The following MCM9 variants were observed in gnomAD, a reference collection of about 807,000 sequenced individuals.
MCM9 encodes the protein minichromosome maintenance 9 homologous recombination repair factor.
In MCM9, 55 loss-of-function variants were observed where a neutral mutation model predicts 72.8. The ratio of observed to expected loss-of-function variants is 0.76; its 90% CI spans 0.61 to 0.95. The LOEUF (loss-of-function observed/expected upper bound fraction) is 0.95, where lower values mean the gene tolerates loss of function less well. MCM9 is among the 40% of genes least tolerant of loss of function. The pLI, the probability that MCM9 is intolerant of heterozygous loss-of-function variation, is 0.00. For synonymous variants in MCM9, 480 were observed against 503.4 expected, an observed-to-expected ratio of 0.95 and a Z score of 0.62; for missense variants, 1,279 against 1,377.0, an observed-to-expected ratio of 0.93 and a Z score of 1.13.
At chr6:118,932,070 C>T (rs1429882367) in intron 2 of MCM9, among the ~76,000 whole-genome samples, 2 of 152,160 alleles carry the variant, frequency 1.3e-5, no homozygotes, top group Admixed American at 1.3e-4. Context: ...ACAACATTTC[C>T]GGACTGCACT....
chr6:118,846,901 A>G, intron 9 of MCM9, among the ~76,000 whole-genome samples: 1 of 151,742 alleles, frequency 6.6e-6, no homozygotes, highest in Non-Finnish European at 1.5e-5. Context: ...AAACTACTAC[A>G]AGAATAAAAA....
chr6:118,895,918 TATTC>T (rs1001487821), intron 8 of MCM9, among the ~76,000 whole-genome samples: 2 of 152,088 alleles, frequency 1.3e-5, no homozygotes, highest in African/African-American at 4.8e-5. Context: ...AAACAATATA[TATTC>T]ATTGTAATAA....
rs758310299 is a variant in MCM9 at position 118,827,950 on chromosome 6, T to C, written c.1709A>G (p.Glu570Gly). The C allele has an allele frequency of 1.9e-6, 3 of 1,551,010 alleles. No homozygotes were observed. Among genetic ancestry groups the C allele is most frequent in the South Asian group, 2.4e-5 (2 of 84,062 alleles). ...NAARTTIRLL[E>G]SLIRLAEAHA... The stretch of plus-strand genomic sequence containing the variant: ...ACCTTCTGCTAATCGTATCAAGCTT[T>C]CCAACAGCCGAATGGTGGTCCGGGC... Residue 570 changes from glutamate to glycine, a missense_variant, in exon 11 of 14, where the codon GAA becomes GGA. Physicochemically the swap from Glu to Gly is moderately conservative, Grantham distance 98 (BLOSUM62 -2). Transcript: ENST00000619706.
chr6:118,883,919 TAAC>T (rs1778448050), intron 8 of MCM9, among the ~76,000 whole-genome samples: 2 of 152,228 alleles, frequency 1.3e-5, no homozygotes, highest in Non-Finnish European at 2.9e-5. Context: ...GGTAATTATG[TAAC>T]TAGAAAAAAC....
intron 5 of MCM9, 89 bp from the exon 6 acceptor site, chr6:118,917,850 A>C: frequency 1.8e-6 from 2 of 1,123,412 alleles, no homozygotes; most frequent in Non-Finnish European, 1.3e-6. Flanking sequence ...ATTAGAAATA[A>C]ACCACTCCCT....
At chr6:118,871,778 G>A (rs1308037639) in intron 8 of MCM9, among the ~76,000 whole-genome samples, 1 of 151,912 alleles carries the variant, frequency 6.6e-6, no homozygotes, top group African/African-American at 2.4e-5. Context: ...GTGGTGTTGG[G>A]CCCCTGTAGT....
Position 118,913,421 on chromosome 6 carries a change from C to A in MCM9, c.905-1G>T, listed in dbSNP as rs149099524. On this transcript the variant is annotated splice_acceptor_variant, in intron 6 of 13. Transcript: ENST00000619706. LOFTEE classifies it high-confidence loss of function. The stretch of plus-strand genomic sequence containing the variant: ...AAGCTAGCCAATATTACATTCCTTC[C>A]TAGGAAAAGCAGAAAGATCAGAAAT... 31 of 1,611,226 alleles carry A rather than the reference C, an allele frequency of 1.9e-5. No homozygotes were observed. Among genetic ancestry groups the A allele is most frequent in the Non-Finnish European group, 2.6e-5 (31 of 1,179,252 alleles).
At chr6:118,825,046 T>A (rs558576664) in intron 13 of MCM9, among the ~76,000 whole-genome samples, 1 of 152,360 alleles carries the variant, frequency 6.6e-6, no homozygotes, top group East Asian at 1.9e-4. Flanking sequence ...ATAACAATGA[T>A]TCTGGGCCTC....
At chr6:118,908,113 C>G (rs1251491218) in intron 8 of MCM9, 1 of 153,102 alleles carries the variant, frequency 6.5e-6, no homozygotes, top group African/African-American at 2.4e-5. Flanking sequence ...CAACTATATG[C>G]TACCAAGAAC....
At chr6:118,841,231 T>C (rs1388178604) in intron 9 of MCM9, among the ~76,000 whole-genome samples, 2 of 152,240 alleles carry the variant, frequency 1.3e-5, no homozygotes, top group East Asian at 1.9e-4. Flanking sequence ...TTTGAACTTA[T>C]ATTTTTCACA....
intron 9 of MCM9, among the ~76,000 whole-genome samples, chr6:118,844,827 C>T (rs141625761): frequency 2.6e-5 from 4 of 151,834 alleles, no homozygotes; most frequent in East Asian, 1.9e-4. Context: ...TGTTTCCCAG[C>T]GCTGACAAAC....
chr6:118,883,001 G>C (rs1257803099), intron 8 of MCM9, among the ~76,000 whole-genome samples: 4 of 145,538 alleles, frequency 2.7e-5, no homozygotes, highest in Non-Finnish European at 5.9e-5. Flanking sequence ...CTGCCTGTGA[G>C]AGGATCCAGA....
At position 118,909,761 on chromosome 6, in the gene MCM9, C is replaced by CT. The variant is rs890128411; in HGVS notation, c.1150+1888dup. Among the ~76,000 whole-genome samples the CT allele has an allele frequency of 5.9e-5, 9 of 152,146 alleles. No individual in the cohort carries two copies. In the East Asian group the frequency reaches 1.7e-3, roughly 29 times the overall value. On this transcript the variant is annotated intron_variant, in intron 8 of 13. Transcript: ENST00000619706. ...CCTCTAATTTTAGGATTTGGGGTTT[C>CT]TAGCTTTCCCAAGAATGTCTATGGC...
In MCM9 at chr6:118,921,152, C is replaced by A. The variant is rs560938240; in HGVS notation, c.703+853G>T. 8 of 152,310 alleles carry A rather than the reference C, an allele frequency of 5.3e-5. 1 individual carries two copies. In the South Asian group the frequency reaches 1.7e-3, roughly 32 times the overall value. The allele number at this position is 152,310 out of a possible 1,614,324, so 9.4% of individuals were successfully genotyped here. On this transcript the variant is annotated intron_variant, in intron 5 of 13. Transcript: ENST00000619706. ...TGCAGATTATTATCCAGATCAACTG[C>A]CACTGTAGGGCCTAAATCCCTAACA...
At chr6:118,918,217 G>A (rs1324198931) in intron 5 of MCM9, 1 of 155,798 alleles carries the variant, frequency 6.4e-6, no homozygotes, top group Non-Finnish European at 1.4e-5. Flanking sequence ...CTGGCAGGTA[G>A]TTTGGGTTTC....
At chr6:118,878,886 G>A (rs990850466) in intron 8 of MCM9, among the ~76,000 whole-genome samples, 3 of 151,910 alleles carry the variant, frequency 2.0e-5, no homozygotes, top group Non-Finnish European at 2.9e-5. Context: ...ACAAAACCCC[G>A]TCTCTACTAA....
intron 8 of MCM9, among the ~76,000 whole-genome samples, chr6:118,906,671 CTGAG>C (rs1562432753): frequency 6.6e-6 from 1 of 152,132 alleles, no homozygotes; most frequent in African/African-American, 2.4e-5. Context: ...AGCTTAAATT[CTGAG>C]TGAGAAGCTG....
chr6:118,885,068 C>T (rs901173024), intron 8 of MCM9, among the ~76,000 whole-genome samples: 1 of 151,864 alleles, frequency 6.6e-6, no homozygotes, highest in African/African-American at 2.4e-5. Flanking sequence ...TGGTGGTGGG[C>T]GCCTGTAGTC....
chr6:118,825,917 C>T (rs1268923828), intron 13 of MCM9, among the ~76,000 whole-genome samples: 1 of 152,110 alleles, frequency 6.6e-6, no homozygotes, highest in Non-Finnish European at 1.5e-5. Flanking sequence ...AAAGTGAACA[C>T]TAAAATGCTG....
Sources: allele counts gnomAD v4.1 joint callset (sites outside exome capture counted in the v4.1 genomes callset), GRCh38; gene constraint gnomAD v4.1.1; transcripts MANE v1.5; gene names NCBI Gene and HGNC (gene_info 2026-07-23, HGNC 2026-07-21).